Variants in MPHOSPH9 observed in about 807,000 individuals in gnomAD.
The protein encoded by MPHOSPH9 is M-phase phosphoprotein 9.
A neutral mutation model predicts 145.5 loss-of-function variants in MPHOSPH9; 88 were observed. The observed-to-expected ratio is 0.60, with a 90% CI of 0.51 to 0.72. MPHOSPH9 has a LOEUF of 0.72. Ranked by LOEUF, MPHOSPH9 falls within the 30% of genes least tolerant of loss-of-function variation. The pLI is 0.00. For missense variants in MPHOSPH9, 1,238 were observed against 1,386.6 expected, an observed-to-expected ratio of 0.89 and a Z score of 1.70; for synonymous variants, 435 against 486.2, an observed-to-expected ratio of 0.89 and a Z score of 1.39.
At chr12:123,187,268 A>C (rs1251952757) in intron 13 of MPHOSPH9, among the ~76,000 whole-genome samples, 1 of 152,224 alleles carries the variant, frequency 6.6e-6, no homozygotes. Flanking sequence ...CTCAAAAAAA[A>C]AGAACGAACG....
At chr12:123,229,327 CTA>C (rs1200712086) in intron 2 of MPHOSPH9, among the ~76,000 whole-genome samples, 4 of 152,042 alleles carry the variant, frequency 2.6e-5, no homozygotes. Context: ...GCTTGTCAGA[CTA>C]TGTGCAAATT....
At chr12:123,200,422 T>C (rs1040873547) in intron 11 of MPHOSPH9, among the ~76,000 whole-genome samples, 2 of 152,168 alleles carry the variant, frequency 1.3e-5, no homozygotes, top group South Asian at 2.1e-4. Flanking sequence ...GCCACTGTTA[T>C]TAACTGCTAT....
chr12:123,213,149 G>A (rs2046816414), intron 7 of MPHOSPH9, among the ~76,000 whole-genome samples: 1 of 151,918 alleles, frequency 6.6e-6, no homozygotes, highest in Admixed American at 6.6e-5. Context: ...ATGAGCCACC[G>A]CGCCTGGCTG....
At chr12:123,242,761 C>G (rs2047961082) in intron 1 of MPHOSPH9, among the ~76,000 whole-genome samples, 1 of 152,216 alleles carries the variant, frequency 6.6e-6, no homozygotes, top group Admixed American at 6.5e-5. Flanking sequence ...TAAAAGCACT[C>G]TCATCTCCAT....
At chr12:123,182,263 T>TTTC (rs1555220955) in intron 13 of MPHOSPH9, among the ~76,000 whole-genome samples, 5 of 81,714 alleles carry the variant, frequency 6.1e-5, no homozygotes, top group Non-Finnish European at 7.3e-5. Context: ...TTTTTTTTGT[T>TTTC]TTTTTTTTTT....
intron 7 of MPHOSPH9, among the ~76,000 whole-genome samples, chr12:123,210,527 T>C (rs944352076): frequency 4.6e-5 from 7 of 151,882 alleles, no homozygotes; most frequent in African/African-American, 1.7e-4. Flanking sequence ...GCCCCATCTC[T>C]ACTAAAAATC....
intron 1 of MPHOSPH9, chr12:123,240,384 C>T (rs1397699312): frequency 3.3e-5 from 5 of 151,952 alleles, no homozygotes; most frequent in African/African-American, 4.8e-5. Context: ...CCTCAGGCCT[C>T]GCCCCAGACC....
intron 11 of MPHOSPH9, among the ~76,000 whole-genome samples, chr12:123,198,861 TA>T (rs577563981): frequency 8.1e-6 from 1 of 124,210 alleles, no homozygotes; most frequent in Non-Finnish European, 1.8e-5. Context: ...TTAAAAGATA[TA>T]AAAAAAAGAC....
rs1052181127 is a variant in MPHOSPH9, at chr12:123,163,206, AT to A, written c.2909-73del. 4.2e-5 allele frequency: 60 copies of A among 1,413,026 alleles called. No individual in the cohort carries two copies. The African/African-American group carries it at 4.5e-4, about 10-fold the overall frequency. The allele number at this position is 1,413,026 out of a possible 1,614,324, so 87.5% of individuals were successfully genotyped here. A position where few individuals can be genotyped will look rare whatever the true frequency, so the allele number is the denominator to read the frequency against. On this transcript the variant is annotated intron_variant, in intron 19 of 23. Transcript: ENST00000606320. ...TCAGCATAACAGTTTCTTATTCAGT[AT>A]TTTTTTTCTAATTTTGAAAGGAATA...
chr12:123,172,869 C>T (rs1166147780), intron 16 of MPHOSPH9, among the ~76,000 whole-genome samples: 1 of 63,222 alleles, frequency 1.6e-5, no homozygotes, highest in African/African-American at 3.5e-5. Context: ...GGTTTTCATT[C>T]ACTTTTTTTT....
chr12:123,242,184 G>T lies in MPHOSPH9; in HGVS notation c.-159+1669C>A, dbSNP rs147751123. Among the ~76,000 whole-genome samples the T allele has an allele frequency of 6.6e-5, 10 of 152,302 alleles. No homozygotes were observed. In the East Asian group the frequency reaches 1.7e-3, roughly 26 times the overall value. Reference sequence around the variant, plus strand: ...CCAAGTTGGAAGGGACTGAAGCAATGACAGGAGCTTTCACCTTAACTGCGA... The same window carrying T: ...CCAAGTTGGAAGGGACTGAAGCAATTACAGGAGCTTTCACCTTAACTGCGA... On this transcript the variant is annotated intron_variant, in intron 1 of 2. Transcript: ENST00000545406.
intron 6 of MPHOSPH9, among the ~76,000 whole-genome samples, chr12:123,215,690 C>T (rs1025113889): frequency 2.0e-5 from 3 of 152,052 alleles, no homozygotes; most frequent in African/African-American, 4.8e-5. Context: ...CTGACACTGT[C>T]GCAAGAAATG....
intron 16 of MPHOSPH9, among the ~76,000 whole-genome samples, chr12:123,167,503 T>C (rs752635735): frequency 6.6e-6 from 1 of 152,196 alleles, no homozygotes; most frequent in Non-Finnish European, 1.5e-5. Context: ...TGCTAATGCC[T>C]GCAACATGCT....
At chr12:123,187,463 A>T (rs2138175081) in intron 13 of MPHOSPH9, among the ~76,000 whole-genome samples, 1 of 152,304 alleles carries the variant, frequency 6.6e-6, no homozygotes, top group African/African-American at 2.4e-5. Context: ...ATAAATCTGT[A>T]AATTCAGTGC....
chr12:123,243,552 A>G (rs953002062), intron 1 of MPHOSPH9, among the ~76,000 whole-genome samples: 1 of 151,658 alleles, frequency 6.6e-6, no homozygotes, highest in Non-Finnish European at 1.5e-5. Flanking sequence ...AAAAAATACA[A>G]AAATTAGCTA....
intron 5 of MPHOSPH9, among the ~76,000 whole-genome samples, 181 bp from the exon 6 acceptor site, chr12:123,218,680 C>T (rs910835207): frequency 2.6e-4 from 39 of 152,012 alleles, no homozygotes; most frequent in East Asian, 1.9e-4. Flanking sequence ...CGCACTACCT[C>T]GCCCAGCTAA....
chr12:123,238,823 A>G (rs1340375566), intron 1 of MPHOSPH9, among the ~76,000 whole-genome samples: 1 of 152,126 alleles, frequency 6.6e-6, no homozygotes, highest in East Asian at 1.9e-4. Flanking sequence ...TTTTGCCACT[A>G]TGTGGACCAC....
At position 123,184,641 on chromosome 12, in the gene MPHOSPH9, G is replaced by A. The variant is rs369413793; in HGVS notation, c.2242-3431C>T. On this transcript the variant is annotated intron_variant, in intron 13 of 23. Transcript: ENST00000606320. ...GTCCCCTGAGTAGCTGGGACTACAGGCATCCGCTACCACGCCCAGCTAATT... is the reference window on the plus strand; with the variant it reads ...GTCCCCTGAGTAGCTGGGACTACAGACATCCGCTACCACGCCCAGCTAATT... Among the ~76,000 whole-genome samples, 243 of 151,676 alleles carry A rather than the reference G, an allele frequency of 1.6e-3. 3 individuals are homozygous for A. Among genetic ancestry groups the A allele is most frequent in the African/African-American group, 5.5e-3 (228 of 41,304 alleles).
chr12:123,221,710 CT>C lies in MPHOSPH9; in HGVS notation c.533del (p.Gln178ArgfsTer18). On this transcript the variant is annotated frameshift_variant, in exon 5 of 24. Transcript: ENST00000606320. LOFTEE classifies it high-confidence loss of function. ...HYPESTEPEI[Q>X]QEMSTSQPDC... is the part of the protein sequence containing the mutation. Reference sequence around the variant, plus strand: ...CTGGTTGTGACGTGGACATTTCTTGCTGTATTTCAGGTTCTGTGGATTCAGG... The same window carrying C: ...CTGGTTGTGACGTGGACATTTCTTGCGTATTTCAGGTTCTGTGGATTCAGG... The C allele has an allele frequency of 6.2e-7, 1 of 1,614,072 alleles. No homozygotes were observed. The highest frequency in any genetic ancestry group is 8.5e-7 in the Non-Finnish European group (1 of 1,179,978).
Sources: allele counts gnomAD v4.1 joint callset (sites outside exome capture counted in the v4.1 genomes callset), GRCh38; gene constraint gnomAD v4.1.1; transcripts MANE v1.5; gene names NCBI Gene and HGNC (gene_info 2026-07-23, HGNC 2026-07-21).